RSAD2: variants seen among roughly 807,000 people sequenced by gnomAD.
RSAD2 encodes radical S-adenosyl methionine domain containing 2.
RSAD2 carries 38 observed loss-of-function variants against 37.7 expected under a neutral mutation model. The observed-to-expected ratio is 1.01, with a 90% CI of 0.78 to 1.32. RSAD2 has a LOEUF of 1.32. Ranked by LOEUF, RSAD2 falls within the 40% of genes most tolerant of loss-of-function variation. The pLI, the probability that RSAD2 is intolerant of heterozygous loss-of-function variation, is 0.00. For missense variants in RSAD2, 428 were observed against 437.5 expected (o/e 0.98, Z 0.19); for synonymous variants, 163 against 157.4 (o/e 1.04, Z -0.27).
At chr2:6,869,972 G>A (rs537578379) in intron 1 of RSAD2, among the ~76,000 whole-genome samples, 1 of 152,320 alleles carries the variant, frequency 6.6e-6, no homozygotes, top group Admixed American at 6.5e-5. Flanking sequence ...CAATGGGATT[G>A]ATTCATCAGA....
At chr2:6,894,822 T>C (rs1361590746) in intron 5 of RSAD2, among the ~76,000 whole-genome samples, 1 of 152,238 alleles carries the variant, frequency 6.6e-6, no homozygotes, top group Non-Finnish European at 1.5e-5. Flanking sequence ...GCTTTCTTAA[T>C]AGAGCATAAG....
intron 1 of RSAD2, among the ~76,000 whole-genome samples, chr2:6,867,107 C>CT (rs1330774807): frequency 6.6e-6 from 1 of 152,212 alleles, no homozygotes; most frequent in Non-Finnish European, 1.5e-5. Context: ...CTTTTCTTCT[C>CT]TAAGACAGTA....
At chr2:6,895,364 A>G (rs1572162830) in intron 5 of RSAD2, among the ~76,000 whole-genome samples, 1 of 152,236 alleles carries the variant, frequency 6.6e-6, no homozygotes, top group East Asian at 1.9e-4. Context: ...TTCCAGAAAC[A>G]CCGTCTACCT....
chr2:6,883,355 G>A lies in RSAD2; in HGVS notation c.347-16G>A. The A allele has an allele frequency of 6.2e-7, 1 of 1,611,550 alleles. No homozygotes were observed. The highest frequency in any genetic ancestry group is 8.5e-7 in the Non-Finnish European group (1 of 1,178,252). On this transcript the variant is annotated splice_polypyrimidine_tract_variant and intron_variant, in intron 1 of 5. Transcript: ENST00000382040. ...ATATTTGTGAAGTGGTAAAATTCAT[G>A]TATCACCTTGCACAGGTATGGAGAA... is the stretch of plus-strand genomic sequence containing the variant.
chr2:6,895,947 G>A lies in RSAD2; in HGVS notation c.*5G>A. On this transcript the variant is annotated 3_prime_UTR_variant, in exon 6 of 6. Coordinates refer to ENST00000382040, the MANE Select transcript of RSAD2 (RefSeq NM_080657.5). ...GATCTGAAGCTGGATTGGTAGAGCGGAAAGTGGAACGAGACTTCAACACAC... is the reference window on the plus strand; with the variant it reads ...GATCTGAAGCTGGATTGGTAGAGCGAAAAGTGGAACGAGACTTCAACACAC... 1 of 1,612,724 alleles carries A rather than the reference G, an allele frequency of 6.2e-7. No individual in the cohort carries two copies.
intron 2 of RSAD2, among the ~76,000 whole-genome samples, chr2:6,885,445 C>G (rs996662974): frequency 1.3e-5 from 2 of 152,176 alleles, no homozygotes; most frequent in Non-Finnish European, 2.9e-5. Context: ...CAAGTTGATT[C>G]AACATGCCCC....
chr2:6,867,759 C>T (rs1392481041), intron 1 of RSAD2, among the ~76,000 whole-genome samples: 1 of 152,212 alleles, frequency 6.6e-6, no homozygotes, highest in African/African-American at 2.4e-5. Context: ...AAACCTGACA[C>T]ACAGTTTGCT....
chr2:6,887,183 T>A lies in RSAD2; in HGVS notation c.738+19T>A. On this transcript the variant is annotated intron_variant, in intron 3 of 5. Coordinates refer to ENST00000382040, the MANE Select transcript of RSAD2 (RefSeq NM_080657.5). ...CTGGAAAGTAAGTACACAAGGTCGCTTTTGCTGATTTCCTTCAAGAAAACT... is the reference window on the plus strand; with the variant it reads ...CTGGAAAGTAAGTACACAAGGTCGCATTTGCTGATTTCCTTCAAGAAAACT... The A allele has an allele frequency of 6.3e-7, 1 of 1,577,328 alleles. No individual in the cohort carries two copies. The highest frequency in any genetic ancestry group is 8.7e-7 in the Non-Finnish European group (1 of 1,148,910).
chr2:6,868,460 A>G (rs1663145766), intron 1 of RSAD2, among the ~76,000 whole-genome samples: 1 of 152,224 alleles, frequency 6.6e-6, no homozygotes, highest in Non-Finnish European at 1.5e-5. Context: ...AGTGAATATT[A>G]TAAAATAAAT....
intron 1 of RSAD2, 124 bp from the exon 2 acceptor site, chr2:6,883,247 A>T: frequency 9.7e-7 from 1 of 1,027,502 alleles, no homozygotes; most frequent in South Asian, 1.7e-5. Flanking sequence ...AACTAGGGTT[A>T]GGGGAGGGGA....
At chr2:6,874,969 C>T (rs547695833), upstream of RSAD2, among the ~76,000 whole-genome samples, 9 of 152,314 alleles carry the variant, frequency 5.9e-5, no homozygotes, top group African/African-American at 2.2e-4. Flanking sequence ...TGCCTGGCTT[C>T]AAGAGTTCCC....
chr2:6,879,184 G>C (rs1226360362), intron 1 of RSAD2: 1 of 408,876 alleles, frequency 2.4e-6, no homozygotes. Context: ...AAAGCTGATT[G>C]CTCAAATGAG....
chr2:6,893,852 T>G lies in RSAD2; in HGVS notation c.921+149T>G, dbSNP rs1572162068. The stretch of plus-strand genomic sequence containing the variant: ...GTTTGATAGTCAGTGATTATGATTA[T>G]GCCAGAGCCCTCACTTCACAGGGTC... On this transcript the variant is annotated intron_variant, in intron 5 of 5. Transcript: ENST00000382040. The G allele has an allele frequency of 4.9e-6, 3 of 616,610 alleles. 1 individual carries two copies. The South Asian group carries it at 6.0e-5, about 12-fold the overall frequency. The allele number at this position is 616,610 out of a possible 1,614,324, so 38.2% of individuals were successfully genotyped here. A position where few individuals can be genotyped will look rare whatever the true frequency, so the allele number is the denominator to read the frequency against.
chr2:6,882,613 T>G (rs544663607), intron 1 of RSAD2, among the ~76,000 whole-genome samples: 1 of 152,316 alleles, frequency 6.6e-6, no homozygotes, highest in East Asian at 1.9e-4. Context: ...AAGAAGATTT[T>G]TCTTTATAAC....
At chr2:6,878,255 G>A (rs1663327943) in intron 1 of RSAD2, 109 bp downstream of exon 1, 3 of 879,290 alleles carry the variant, frequency 3.4e-6, no homozygotes, top group African/African-American at 1.7e-5. Context: ...TCCAAAGCTT[G>A]AGGTCACCAT....
intron 5 of RSAD2, 40 bp from the exon 6 acceptor site, chr2:6,895,738 T>C (rs1434241544): frequency 1.3e-6 from 2 of 1,569,028 alleles, no homozygotes; most frequent in Admixed American, 3.5e-5. Flanking sequence ...ACAGGATTCA[T>C]CACATGGAAA....
In RSAD2 at chr2:6,883,551, C is replaced by T. The variant is rs903488233; in HGVS notation, c.508+19C>T. 5.0e-6 allele frequency: 8 copies of T among 1,612,526 alleles called. No homozygotes were observed. Among genetic ancestry groups the T allele is most frequent in the Admixed American group, 3.3e-5 (2 of 59,948 alleles). On this transcript the variant is annotated intron_variant, in intron 2 of 5. Transcript: ENST00000382040. ...AATTATGGTGTGCTCCATGGGATGG[C>T]ATTCTTCTTATTGCTATTGCTATTT...
chr2:6,871,092 G>A (rs1663196415), intron 1 of RSAD2, among the ~76,000 whole-genome samples: 1 of 152,130 alleles, frequency 6.6e-6, no homozygotes, highest in Non-Finnish European at 1.5e-5. Flanking sequence ...TTTTTCAGTT[G>A]GTACTTTGAA....
chr2:6,895,702 G>T, intron 5 of RSAD2, 76 bp from the exon 6 acceptor site: 1 of 1,298,832 alleles, frequency 7.7e-7, no homozygotes, highest in East Asian at 2.3e-5. Context: ...AAAGCTATTT[G>T]GGATTAATAG....
Sources: gnomAD v4.1 joint callset for allele counts (sites outside exome capture counted in the v4.1 genomes callset) on GRCh38, gnomAD v4.1.1 for gene constraint, MANE v1.5 for transcripts, NCBI Gene and HGNC (gene_info 2026-07-23, HGNC 2026-07-21) for gene names.